Variants in VSTM4 observed in about 807,000 individuals in gnomAD.
The protein encoded by VSTM4 is V-set and transmembrane domain-containing protein 4.
In VSTM4, 20 loss-of-function variants were observed where a neutral mutation model predicts 36.4. The ratio of observed to expected loss-of-function variants is 0.55; its 90% CI spans 0.39 to 0.80. The LOEUF is 0.80. VSTM4 is among the 30% of genes least tolerant of loss of function. The pLI, the probability that VSTM4 is intolerant of heterozygous loss-of-function variation, is 0.00. For missense variants in VSTM4, 392 were observed against 404.5 expected (o/e 0.97, Z 0.26); for synonymous variants, 182 against 173.9 (o/e 1.05, Z -0.37).
At chr10:49,073,945 G>A (rs533964881) in intron 4 of VSTM4, among the ~76,000 whole-genome samples, 3 of 152,330 alleles carry the variant, frequency 2.0e-5, no homozygotes, top group Admixed American at 2.0e-4. Flanking sequence ...TGGCTGAAGA[G>A]TGTTTTCTTT....
rs12779947 is a variant in VSTM4, at chr10:49,016,359, G to C, written c.*3291C>G. 13 of 152,040 alleles carry C rather than the reference G, an allele frequency of 8.6e-5. No homozygotes were observed. Among genetic ancestry groups the C allele is most frequent in the Non-Finnish European group, 1.5e-4 (10 of 68,018 alleles). The allele number at this position is 152,040 out of a possible 1,614,324, so 9.4% of individuals were successfully genotyped here. A position where few individuals can be genotyped will look rare whatever the true frequency, so the allele number is the denominator to read the frequency against. On this transcript the variant is annotated 3_prime_UTR_variant, in exon 8 of 8. Transcript: ENST00000332853. ...TGCTCAGTGTCTGTTGCCTTCCAAG[G>C]CTTCTCCACTAGGCAGGAGATGTGG...
intron 2 of VSTM4, chr10:49,102,880 C>G (rs1844694220): frequency 2.2e-6 from 1 of 455,288 alleles, no homozygotes; most frequent in Non-Finnish European, 2.9e-6. Flanking sequence ...AGTCTGGGAT[C>G]CCAGAGAAAC....
At chr10:49,064,626 A>G in intron 5 of VSTM4, 77 bp downstream of exon 5, 1 of 1,494,834 alleles carries the variant, frequency 6.7e-7, no homozygotes, top group South Asian at 1.2e-5. Context: ...TACAAATTTA[A>G]TCAATTTATT....
Position 49,087,510 on chromosome 10 carries a change from T to C in VSTM4, c.458-1487A>G, listed in dbSNP as rs149348643. Among the ~76,000 whole-genome samples, 259 of 152,278 alleles carry C rather than the reference T, an allele frequency of 1.7e-3. 2 individuals carry two copies. Among genetic ancestry groups the C allele is most frequent in the South Asian group, 0.013 (65 of 4,824 alleles). ...CTGATAGGAAGTTAGAGTAGGGGGATGGTCACTTTAATCCAATCAGGGTTT... is the reference window on the plus strand; with the variant it reads ...CTGATAGGAAGTTAGAGTAGGGGGACGGTCACTTTAATCCAATCAGGGTTT... On this transcript the variant is annotated intron_variant, in intron 2 of 7. Coordinates refer to ENST00000332853, the MANE Select transcript of VSTM4 (RefSeq NM_001031746.5).
chr10:49,074,484 A>C (rs1483556347), intron 4 of VSTM4, among the ~76,000 whole-genome samples: 1 of 152,208 alleles, frequency 6.6e-6, no homozygotes, highest in Non-Finnish European at 1.5e-5. Context: ...TCTGCATTTG[A>C]GCAGGTTCCC....
chr10:49,097,330 C>T (rs1488705474), intron 2 of VSTM4, among the ~76,000 whole-genome samples: 1 of 152,176 alleles, frequency 6.6e-6, no homozygotes, highest in Non-Finnish European at 1.5e-5. Context: ...TCTGTGCTTC[C>T]AGAGGCACCA....
chr10:49,094,260 A>G (rs922512946), intron 2 of VSTM4, among the ~76,000 whole-genome samples: 6 of 152,178 alleles, frequency 3.9e-5, no homozygotes, highest in African/African-American at 1.4e-4. Context: ...CTTCTCCACA[A>G]AATTCTGGCC....
At chr10:49,111,894 G>A (rs1564601057) in intron 1 of VSTM4, among the ~76,000 whole-genome samples, 1 of 152,174 alleles carries the variant, frequency 6.6e-6, no homozygotes, top group Non-Finnish European at 1.5e-5. Flanking sequence ...TAGACTTCGG[G>A]GTCAGGGGAA....
Position 49,045,415 on chromosome 10 carries a change from G to C in VSTM4, c.837+1568C>G, listed in dbSNP as rs12265960. The stretch of plus-strand genomic sequence containing the variant: ...AAATAATACATCTAGAAAGATTAAG[G>C]GAAATAGAAAATCACCCTTAGTGCA... On this transcript the variant is annotated intron_variant, in intron 7 of 7. Transcript: ENST00000332853. Among the ~76,000 whole-genome samples, 1,417 of 152,238 alleles carry C rather than the reference G, an allele frequency of 9.3e-3. 23 individuals are homozygous for C. Among genetic ancestry groups the C allele is most frequent in the African/African-American group, 0.032 (1,338 of 41,540 alleles).
At chr10:49,092,940 A>G (rs1844502977) in intron 2 of VSTM4, among the ~76,000 whole-genome samples, 1 of 152,196 alleles carries the variant, frequency 6.6e-6, no homozygotes, top group African/African-American at 2.4e-5. Context: ...TGGCCGAGGC[A>G]GTCAGAAGAG....
At chr10:49,055,871 A>G (rs77727481) in intron 5 of VSTM4, among the ~76,000 whole-genome samples, 2,988 of 152,308 alleles carry the variant, frequency 0.02, 98 homozygotes, top group African/African-American at 0.069. Context: ...TCATGACCTT[A>G]CTGGCAGTAT....
intron 5 of VSTM4, 53 bp downstream of exon 5, chr10:49,064,650 G>T (rs901190904): frequency 1.3e-6 from 2 of 1,572,368 alleles, no homozygotes; most frequent in Admixed American, 3.7e-5. Flanking sequence ...AATATCAAAA[G>T]AAAGTTAAAT....
At chr10:49,052,108 T>C (rs945583591) in intron 5 of VSTM4, among the ~76,000 whole-genome samples, 4 of 152,220 alleles carry the variant, frequency 2.6e-5, no homozygotes, top group African/African-American at 9.6e-5. Flanking sequence ...TCTTAGACTT[T>C]CATTTTGGGG....
At chr10:49,108,514 A>G (rs1844833011) in intron 1 of VSTM4, among the ~76,000 whole-genome samples, 1 of 152,182 alleles carries the variant, frequency 6.6e-6, no homozygotes, top group Non-Finnish European at 1.5e-5. Flanking sequence ...CCTGTCCACC[A>G]GGAAGCTGGG....
chr10:49,034,220 T>A (rs1275414214), intron 7 of VSTM4, among the ~76,000 whole-genome samples: 1 of 151,164 alleles, frequency 6.6e-6, no homozygotes, highest in Non-Finnish European at 1.5e-5. Flanking sequence ...ACCATCACTA[T>A]CACCATCATC....
chr10:49,048,696 C>G, intron 5 of VSTM4, 112 bp from the exon 6 acceptor site: 1 of 820,442 alleles, frequency 1.2e-6, no homozygotes, highest in South Asian at 1.7e-5. Flanking sequence ...CCCTGTGTAC[C>G]TGTGTAAGGG....
intron 5 of VSTM4, among the ~76,000 whole-genome samples, chr10:49,060,099 A>G (rs1843849201): frequency 6.6e-6 from 1 of 152,184 alleles, no homozygotes; most frequent in Non-Finnish European, 1.5e-5. Flanking sequence ...TTGTTTTCCA[A>G]TTCACAAGTT....
intron 2 of VSTM4, among the ~76,000 whole-genome samples, chr10:49,098,672 C>T (rs1844615573): frequency 6.6e-6 from 1 of 152,210 alleles, no homozygotes; most frequent in South Asian, 2.1e-4. Context: ...CCATGCCGCC[C>T]CCACATAAAC....
chr10:49,050,945 G>A (rs1033028908), intron 5 of VSTM4, among the ~76,000 whole-genome samples: 2 of 152,118 alleles, frequency 1.3e-5, no homozygotes, highest in Non-Finnish European at 2.9e-5. Context: ...GTGGAAGATA[G>A]ATTTCCCTTA....
Sources: allele counts gnomAD v4.1 joint callset (sites outside exome capture counted in the v4.1 genomes callset), GRCh38; gene constraint gnomAD v4.1.1; transcripts MANE v1.5; gene names NCBI Gene and HGNC (gene_info 2026-07-23, HGNC 2026-07-21).